Variants in TIMM23B observed in about 807,000 individuals in gnomAD.
TIMM23B encodes mitochondrial import inner membrane translocase subunit Tim23B.
A neutral mutation model predicts 27.3 loss-of-function variants in TIMM23B; 27 were observed. The ratio of observed to expected loss-of-function variants is 0.99; its 90% CI spans 0.73 to 1.36. TIMM23B has a LOEUF of 1.36. TIMM23B is among the 40% of genes most tolerant of loss of function. TIMM23B has a pLI of 0.00. For synonymous variants in TIMM23B, 73 were observed against 92.4 expected (o/e 0.79, Z 1.21); for missense variants, 205 against 244.2 (o/e 0.84, Z 1.07).
In TIMM23B at chr10:49,973,847, A is replaced by G. The variant is rs1329867568; in HGVS notation, c.*783A>G. 6.9e-6 allele frequency: 1 copy of G among 144,610 alleles called. No individual in the cohort carries two copies. Among genetic ancestry groups the G allele is most frequent in the Non-Finnish European group, 1.5e-5 (1 of 66,680 alleles). The allele number at this position is 144,610 out of a possible 1,614,324, so 9.0% of individuals were successfully genotyped here. On this transcript the variant is annotated 3_prime_UTR_variant, in exon 7 of 7. Coordinates refer to ENST00000651259, the MANE Select transcript of TIMM23B (RefSeq NM_001290117.2). ...TGAGATGGAGTCTTGCTCTGTTGCC[A>G]GGCTGGAGTGCAGTGGTGCTCTCAG...
chr10:49,950,923 C>A (rs2133061109), intron 2 of TIMM23B, among the ~76,000 whole-genome samples: 1 of 152,218 alleles, frequency 6.6e-6, no homozygotes, highest in East Asian at 1.9e-4. Context: ...TGGCCTGAGA[C>A]TGAAGAATAA....
chr10:49,971,309 C>A (rs1840435035), intron 6 of TIMM23B, among the ~76,000 whole-genome samples: 2 of 150,560 alleles, frequency 1.3e-5, no homozygotes, highest in African/African-American at 4.9e-5. Context: ...CCGAGAAACA[C>A]CCAAGAATGA....
At position 49,952,548 on chromosome 10, in the gene TIMM23B, A is replaced by G. The variant is rs1233250538; in HGVS notation, c.344+15A>G. On this transcript the variant is annotated intron_variant, in intron 4 of 6. Coordinates refer to ENST00000651259, the MANE Select transcript of TIMM23B (RefSeq NM_001290117.2). ...GGAAATGTACAGTAAGTCTCTTGTA[A>G]CCATCTGATGTAGTGATACTTGAAT... is the stretch of plus-strand genomic sequence containing the variant. 5 of 1,612,642 alleles carry G rather than the reference A, an allele frequency of 3.1e-6. No individual in the cohort carries two copies. The highest frequency in any genetic ancestry group is 1.7e-5 in the Admixed American group (1 of 59,878).
intron 1 of TIMM23B, 88 bp downstream of exon 1, chr10:49,942,388 T>G: frequency 1.3e-6 from 2 of 1,547,562 alleles, no homozygotes; most frequent in South Asian, 1.2e-5. Context: ...TGTTGTTGGT[T>G]TTTTTTTCCT....
chr10:49,953,362 G>A (rs1315218924), intron 4 of TIMM23B, among the ~76,000 whole-genome samples: 6 of 152,134 alleles, frequency 3.9e-5, no homozygotes, highest in Non-Finnish European at 7.3e-5. Context: ...GTGGTTTTTT[G>A]AGAGACAGGG....
intron 2 of TIMM23B, among the ~76,000 whole-genome samples, chr10:49,947,343 C>A (rs1406778865): frequency 6.6e-5 from 10 of 152,222 alleles, no homozygotes; most frequent in Non-Finnish European, 1.3e-4. Context: ...TGCAGTGGCT[C>A]ACACCTGTAA....
At chr10:49,948,495 A>G (rs1839422245) in intron 2 of TIMM23B, among the ~76,000 whole-genome samples, 1 of 152,234 alleles carries the variant, frequency 6.6e-6, no homozygotes, top group African/African-American at 2.4e-5. Flanking sequence ...AATGGATAAA[A>G]AAGTGTGGCA....
intron 1 of TIMM23B, among the ~76,000 whole-genome samples, chr10:49,942,616 A>G (rs1229635346): frequency 1.3e-5 from 2 of 152,148 alleles, no homozygotes; most frequent in Non-Finnish European, 2.9e-5. Context: ...TTAAGAGTAG[A>G]GCCCAGCTTT....
intron 4 of TIMM23B, among the ~76,000 whole-genome samples, chr10:49,953,355 G>T (rs1839604682): frequency 6.6e-6 from 1 of 152,120 alleles, no homozygotes; most frequent in South Asian, 2.1e-4. Flanking sequence ...AAATTGTGTG[G>T]TTTTTTGAGA....
intron 6 of TIMM23B, among the ~76,000 whole-genome samples, chr10:49,964,425 G>T (rs1331317537): frequency 2.0e-5 from 3 of 151,292 alleles, no homozygotes; most frequent in Non-Finnish European, 4.4e-5. Flanking sequence ...GATAGAGCGA[G>T]TCTCTGTCTT....
intron 5 of TIMM23B, among the ~76,000 whole-genome samples, 200 bp from the exon 6 acceptor site, chr10:49,958,170 T>C (rs1405957508): frequency 6.6e-6 from 1 of 152,102 alleles, no homozygotes; most frequent in Non-Finnish European, 1.5e-5. Flanking sequence ...ACAAAAGACC[T>C]TCACCTTTGT....
intron 6 of TIMM23B, among the ~76,000 whole-genome samples, chr10:49,968,801 C>T (rs1273373753): frequency 6.6e-6 from 1 of 152,072 alleles, no homozygotes; most frequent in Non-Finnish European, 1.5e-5. Flanking sequence ...CACCACTGCA[C>T]TCCAGCCTGG....
At chr10:49,952,347 TAAATA>T in intron 3 of TIMM23B, 97 bp from the exon 4 acceptor site, 1 of 1,482,910 alleles carries the variant, frequency 6.7e-7, no homozygotes, top group Non-Finnish European at 9.2e-7. Context: ...CTTTTTCTAT[TAAATA>T]AAAATGAAAA....
intron 3 of TIMM23B, 72 bp downstream of exon 3, chr10:49,952,291 T>G: frequency 2.0e-6 from 3 of 1,499,098 alleles, no homozygotes; most frequent in Non-Finnish European, 2.8e-6. Context: ...TCAAAAGCAA[T>G]TAGAATGTTG....
chr10:49,964,701 A>G (rs1337309839), intron 6 of TIMM23B, among the ~76,000 whole-genome samples: 1 of 152,250 alleles, frequency 6.6e-6, no homozygotes, highest in Non-Finnish European at 1.5e-5. Flanking sequence ...GGCACACTCC[A>G]GCCTGGGTGA....
intron 1 of TIMM23B, among the ~76,000 whole-genome samples, 172 bp downstream of exon 1, chr10:49,942,472 G>A (rs1839154665): frequency 6.6e-6 from 1 of 152,026 alleles, no homozygotes; most frequent in East Asian, 1.9e-4. Context: ...AAGATAGAAA[G>A]GCCTAAAAAA....
chr10:49,964,171 C>T (rs575406882), intron 6 of TIMM23B, among the ~76,000 whole-genome samples: 2 of 150,762 alleles, frequency 1.3e-5, no homozygotes, highest in African/African-American at 2.4e-5. Context: ...GGTGATAGAG[C>T]GAGTCTCCAT....
At chr10:49,965,465 G>T (rs1223757149) in intron 6 of TIMM23B, among the ~76,000 whole-genome samples, 1 of 146,048 alleles carries the variant, frequency 6.8e-6, no homozygotes, top group African/African-American at 2.5e-5. Flanking sequence ...GAAATGCCGG[G>T]TGTGGTGGTG....
chr10:49,958,457 C>T lies in TIMM23B; in HGVS notation c.491C>T (p.Thr164Ile). Reference sequence around the variant, plus strand: ...AACACAGTAGCAGCTGGAACCATGACAGGCATGTTGTATAAATGTACAGGT... The same window carrying T: ...AACACAGTAGCAGCTGGAACCATGATAGGCATGTTGTATAAATGTACAGGT... ...DLNTVAAGTM[T>I]GMLYKCTVSE... Residue 164 changes from threonine to isoleucine, a missense_variant, in exon 6 of 7, where the codon ACA becomes ATA. Transcript: ENST00000651259. The T allele has an allele frequency of 1.2e-6, 2 of 1,613,252 alleles. No individual in the cohort carries two copies. The highest frequency in any genetic ancestry group is 1.7e-6 in the Non-Finnish European group (2 of 1,179,264).
Sources: allele counts gnomAD v4.1 joint callset (sites outside exome capture counted in the v4.1 genomes callset), GRCh38; gene constraint gnomAD v4.1.1; transcripts MANE v1.5; gene names NCBI Gene and HGNC (gene_info 2026-07-23, HGNC 2026-07-21).